Variants in KANSL1 observed in about 807,000 individuals in gnomAD.
KANSL1 encodes KAT8 regulatory NSL complex subunit 1.
KANSL1 carries 22 observed loss-of-function variants against 103.6 expected under a neutral mutation model. That is an observed-to-expected ratio of 0.21 (90% CI 0.15 to 0.30). The LOEUF (loss-of-function observed/expected upper bound fraction) is 0.30. Ranked by LOEUF, KANSL1 falls within the 10% of genes least tolerant of loss-of-function variation. The probability of loss-of-function intolerance (pLI) is 1.00; values close to 1 mark genes in which losing one functional copy is unlikely to be tolerated. For synonymous variants in KANSL1, 600 were observed against 527.6 expected (o/e 1.14, Z -1.88); for missense variants, 1,337 against 1,399.8 (o/e 0.96, Z 0.72).
chr17:46,180,427 G>A (rs548524937), intron 1 of KANSL1, among the ~76,000 whole-genome samples: 16 of 152,298 alleles, frequency 1.1e-4, no homozygotes, highest in Admixed American at 5.2e-4. Context: ...AAACCTGAGC[G>A]GCAGAGGTTG....
At chr17:46,140,101 T>C (rs1211135846) in intron 2 of KANSL1, among the ~76,000 whole-genome samples, 1 of 152,220 alleles carries the variant, frequency 6.6e-6, no homozygotes, top group African/African-American at 2.4e-5. Context: ...ATAATCACTG[T>C]TAGCACTCTG....
At chr17:46,215,026 G>A (rs2148039839) in intron 1 of KANSL1, 1 of 152,396 alleles carries the variant, frequency 6.6e-6, no homozygotes, top group East Asian at 1.9e-4. Context: ...GAAGCACTCA[G>A]TGTCAGCTAC....
intron 1 of KANSL1, among the ~76,000 whole-genome samples, chr17:46,199,846 A>T (rs1237644089): frequency 6.6e-6 from 1 of 152,250 alleles, no homozygotes; most frequent in Non-Finnish European, 1.5e-5. Flanking sequence ...AGCTCAGCTG[A>T]ATACAATTAT....
At chr17:46,042,878 C>G (rs1284592181) in intron 7 of KANSL1, 1 of 151,192 alleles carries the variant, frequency 6.6e-6, no homozygotes, top group Non-Finnish European at 1.5e-5. Context: ...GGCTTTATGA[C>G]AGTGAAACAA....
At chr17:46,174,309 C>T (rs537210998) in intron 1 of KANSL1, among the ~76,000 whole-genome samples, 5 of 152,142 alleles carry the variant, frequency 3.3e-5, no homozygotes, top group African/African-American at 4.8e-5. Flanking sequence ...CTCAGCCTCC[C>T]GTGTAGCTGG....
In KANSL1 at chr17:46,112,721, T is replaced by TA. The variant is rs1197956291; in HGVS notation, c.1290-18021dup. 3.4e-5 allele frequency among the ~76,000 whole-genome samples: 5 copies of TA among 147,808 alleles called. No homozygotes were observed. In the East Asian group the frequency reaches 7.8e-4, roughly 23 times the overall value. On this transcript the variant is annotated intron_variant, in intron 2 of 14. Coordinates refer to ENST00000432791, the MANE Select transcript of KANSL1 (RefSeq NM_015443.4). ...AAAACAAAACAAAAAACTGGGCAGATAAATTTTTTTTTTTTTTGAGATGGA... is the reference window on the plus strand; with the variant it reads ...AAAACAAAACAAAAAACTGGGCAGATAAAATTTTTTTTTTTTTTGAGATGGA...
In KANSL1 at chr17:46,177,179, C is replaced by T. The variant is rs954371638; in HGVS notation, c.-89-4947G>A. Among the ~76,000 whole-genome samples, 7 of 152,182 alleles carry T rather than the reference C, an allele frequency of 4.6e-5. No individual in the cohort carries two copies. The East Asian group carries it at 7.7e-4, about 17-fold the overall frequency. On this transcript the variant is annotated intron_variant, in intron 1 of 14. Transcript: ENST00000432791. The stretch of plus-strand genomic sequence containing the variant: ...TCATCTACAAGTAACAGAGCCTTCC[C>T]GACAAGGATGCTATGATGATGAAAT...
intron 2 of KANSL1, among the ~76,000 whole-genome samples, chr17:46,118,357 A>G (rs919125549): frequency 2.0e-5 from 3 of 152,236 alleles, no homozygotes; most frequent in Non-Finnish European, 2.9e-5. Flanking sequence ...ACAGTAGCCA[A>G]TCCCTTCAGA....
At position 46,171,778 on chromosome 17, in the gene KANSL1, A is replaced by G; in HGVS notation, c.366T>C (p.Ala122=). The change falls in exon 2 of 15, where the codon GCT becomes GCC. Residue 122 remains alanine (A), a synonymous_variant. Transcript: ENST00000432791. ...AAACTGGCTGTCTCCCCAACAGCTC[A>G]GCTCGGAGTTCATAGGACTGAGATA... ...PLLSQSYELR[A]ELLGRQPVLE... is the part of the protein sequence containing the mutation. 6.2e-7 allele frequency: 1 copy of G among 1,608,996 alleles called. No homozygotes were observed. Among genetic ancestry groups the G allele is most frequent in the South Asian group, 1.1e-5 (1 of 90,722 alleles).
intron 7 of KANSL1, chr17:46,050,207 C>G (rs118164689): frequency 7.4e-6 from 2 of 269,446 alleles, no homozygotes; most frequent in African/African-American, 2.2e-5. Flanking sequence ...TGACCCACCA[C>G]GCCTGGCCCA....
rs531293752 is a variant in KANSL1 at position 46,036,249 on chromosome 17, T to C, written c.2542-1964A>G. 7.9e-4 allele frequency among the ~76,000 whole-genome samples: 120 copies of C among 152,296 alleles called. 1 individual carries two copies. The highest frequency in any genetic ancestry group is 2.7e-3 in the African/African-American group (114 of 41,574). On this transcript the variant is annotated intron_variant, in intron 10 of 14. Coordinates refer to ENST00000432791, the MANE Select transcript of KANSL1 (RefSeq NM_015443.4). ...AGTGTCTGGTTGGTTGGTTTTGTTT[T>C]TTAAAGCTGCTGAGGTGATTCTGAT...
chr17:46,055,436 G>C (rs1024101792), intron 6 of KANSL1, among the ~76,000 whole-genome samples: 4 of 150,278 alleles, frequency 2.7e-5, no homozygotes, highest in Admixed American at 2.0e-4. Flanking sequence ...CTGCACTCCA[G>C]CCTGGGCGAC....
At chr17:46,048,291 G>C (rs947235847) in intron 7 of KANSL1, among the ~76,000 whole-genome samples, 12 of 152,100 alleles carry the variant, frequency 7.9e-5, no homozygotes, top group African/African-American at 2.9e-4. Context: ...AATAGGGTAG[G>C]TGCAGTGGCT....
intron 1 of KANSL1, among the ~76,000 whole-genome samples, chr17:46,208,475 T>C (rs2048045435): frequency 2.0e-5 from 3 of 151,866 alleles, no homozygotes; most frequent in Admixed American, 2.0e-4. Context: ...TAGCCAGGTG[T>C]GGCAGTGCAC....
chr17:46,077,933 CT>C (rs55833124), intron 4 of KANSL1, among the ~76,000 whole-genome samples: 21,785 of 151,498 alleles, frequency 0.14, 2,128 homozygotes, highest in Non-Finnish European at 0.22. Flanking sequence ...TTTTTTCCAT[CT>C]TTTTTTTTCT....
intron 1 of KANSL1, among the ~76,000 whole-genome samples, chr17:46,216,153 C>A (rs2048332538): frequency 6.6e-6 from 1 of 152,202 alleles, no homozygotes; most frequent in Non-Finnish European, 1.5e-5. Flanking sequence ...CTAGTCAGAG[C>A]TGGAAAAACA....
At chr17:46,111,491 T>C (rs2042802151) in intron 2 of KANSL1, among the ~76,000 whole-genome samples, 2 of 152,216 alleles carry the variant, frequency 1.3e-5, no homozygotes, top group African/African-American at 4.8e-5. Flanking sequence ...ATTACAGGCA[T>C]GATCCACCGT....
intron 2 of KANSL1, among the ~76,000 whole-genome samples, chr17:46,126,343 G>A (rs1313230570): frequency 2.0e-5 from 3 of 152,138 alleles, no homozygotes; most frequent in African/African-American, 7.2e-5. Context: ...TCGGGAAGCT[G>A]AGACAGGAGA....
chr17:46,053,299 AT>A (rs2077792338), intron 6 of KANSL1, among the ~76,000 whole-genome samples: 1 of 152,078 alleles, frequency 6.6e-6, no homozygotes, highest in Non-Finnish European at 1.5e-5. Context: ...AAATTTAAAA[AT>A]TTAAAAAAAT....
Sources: gnomAD v4.1 joint callset for allele counts (sites outside exome capture counted in the v4.1 genomes callset) on GRCh38, gnomAD v4.1.1 for gene constraint, MANE v1.5 for transcripts, NCBI Gene and HGNC (gene_info 2026-07-23, HGNC 2026-07-21) for gene names.